The following NOLC1 variants were observed in gnomAD, a reference collection of about 807,000 sequenced individuals.
NOLC1 encodes the protein nucleolar and coiled-body phosphoprotein 1, also known as 140 kDa nucleolar phosphoprotein.
NOLC1 carries 37 observed loss-of-function variants against 73.4 expected under a neutral mutation model. That is an observed-to-expected ratio of 0.50 (90% CI 0.39 to 0.66). The LOEUF (loss-of-function observed/expected upper bound fraction) is 0.66, where lower values mean the gene tolerates loss of function less well. NOLC1 is among the 30% of genes least tolerant of loss of function. The pLI, the probability that NOLC1 is intolerant of heterozygous loss-of-function variation, is 0.00. For missense variants in NOLC1, 921 were observed against 838.9 expected, an observed-to-expected ratio of 1.10 and a Z score of -1.21; for synonymous variants, 327 against 302.6, an observed-to-expected ratio of 1.08 and a Z score of -0.84.
At chr10:102,156,429 AT>A (rs549384519) in intron 1 of NOLC1, among the ~76,000 whole-genome samples, 13,415 of 140,414 alleles carry the variant, frequency 0.096, 741 homozygotes, top group African/African-American at 0.18. Flanking sequence ...GTCAAAAGTG[AT>A]TTTTTTTTTT....
intron 1 of NOLC1, among the ~76,000 whole-genome samples, 187 bp from the exon 2 acceptor site, chr10:102,156,832 T>G (rs1352569549): frequency 6.6e-6 from 1 of 152,174 alleles, no homozygotes; most frequent in Non-Finnish European, 1.5e-5. Context: ...AGTAGCCCGT[T>G]TTTTACATCA....
chr10:102,160,930 TGAGGAA>T lies in NOLC1; in HGVS notation c.1588_1593del (p.Glu530_Glu531del). ...ACAGTTCTTCTTCTGATGACTCCAG[TGAGGAA>T]GAGGAAGAGAAGCTCAAGGGCAAGG... On this transcript the variant is annotated inframe_deletion, in exon 10 of 13. Coordinates refer to ENST00000605788, the MANE Select transcript of NOLC1 (RefSeq NM_004741.5). 1.4e-5 allele frequency: 22 copies of T among 1,613,872 alleles called. No individual in the cohort carries two copies. Among genetic ancestry groups the T allele is most frequent in the Non-Finnish European group, 1.7e-5 (20 of 1,179,986 alleles).
Position 102,157,574 on chromosome 10 carries a change from A to C in NOLC1, c.441+19A>C. 1.2e-6 allele frequency: 2 copies of C among 1,611,002 alleles called. No individual in the cohort carries two copies. The highest frequency in any genetic ancestry group is 1.7e-6 in the Non-Finnish European group (2 of 1,178,726). On this transcript the variant is annotated intron_variant, in intron 4 of 12. Transcript: ENST00000605788. ...TGTCCAGGTTTGCAGCTTTGGGAAGAAAAAGGGGTTTAAGGATTAGAAAGG... is the reference window on the plus strand; with the variant it reads ...TGTCCAGGTTTGCAGCTTTGGGAAGCAAAAGGGGTTTAAGGATTAGAAAGG...
chr10:102,162,249 A>G lies in NOLC1; in HGVS notation c.2080A>G (p.Ile694Val), dbSNP rs761337419. 40 of 1,613,958 alleles carry G rather than the reference A, an allele frequency of 2.5e-5. No homozygotes were observed. The highest frequency in any genetic ancestry group is 6.7e-5 in the East Asian group (3 of 44,880). Reference protein sequence around the residue: ...GGSISVQVNSIKFDSE With the variant: ...GGSISVQVNSVKFDSE ...CTCAATCTCTGTCCAGGTCAATTCTATTAAGTTTGACAGCGAGTGACCTGA... is the reference window on the plus strand; with the variant it reads ...CTCAATCTCTGTCCAGGTCAATTCTGTTAAGTTTGACAGCGAGTGACCTGA... Residue 694 changes from isoleucine (I) to valine (V), a missense_variant, in exon 13 of 13, where the codon ATT (isoleucine) becomes GTT (valine). Transcript: ENST00000605788.
intron 1 of NOLC1, among the ~76,000 whole-genome samples, chr10:102,154,069 ATTTTTTTT>A (rs58538934): frequency 8.6e-6 from 1 of 116,412 alleles, no homozygotes; most frequent in East Asian, 2.8e-4. Flanking sequence ...CATGCATTTA[ATTTTTTTT>A]TTTTTTTTTT....
At position 102,157,482 on chromosome 10, in the gene NOLC1, C is replaced by T. The variant is rs2069619371; in HGVS notation, c.368C>T (p.Ala123Val). 6.2e-7 allele frequency: 1 copy of T among 1,614,026 alleles called. No individual in the cohort carries two copies. Among genetic ancestry groups the T allele is most frequent in the African/African-American group, 1.3e-5 (1 of 74,902 alleles). ...CCTCCTGGGAAGGCTGCAGCCAAAG[C>T]ATCAGAGAGTAGCAGCAGTGAAGAG... ...GLPPGKAAAK[A>V]SESSSSEESS... The change falls in exon 4 of 13, where the codon GCA becomes GTA. Residue 123 changes from alanine to valine, a missense_variant. Transcript: ENST00000605788.
intron 1 of NOLC1, among the ~76,000 whole-genome samples, chr10:102,155,022 A>ATTTTTTTTTT (rs34034390): frequency 5.9e-4 from 78 of 131,216 alleles, no homozygotes; most frequent in African/African-American, 2.2e-3. Context: ...CACCTGGCTA[A>ATTTTTTTTTT]TTTTTTTTTT....
In NOLC1 at chr10:102,158,114, T is replaced by G; in HGVS notation, c.507T>G (p.Ser169=). ...APPKKAKSSD[S]DSDSSSEDEP... ...CTAAGAAGGCCAAGAGCTCTGATTC[T>G]GATTCTGACTCAAGCTCCGAGGATG... The change falls in exon 5 of 13, where the codon TCT becomes TCG. Residue 169 remains serine (S), a synonymous_variant. Transcript: ENST00000605788. The G allele has an allele frequency of 6.2e-7, 1 of 1,614,172 alleles. No homozygotes were observed.
intron 1 of NOLC1, 114 bp from the exon 2 acceptor site, chr10:102,156,904 TA>T: frequency 1.0e-6 from 1 of 992,002 alleles, no homozygotes; most frequent in Non-Finnish European, 1.6e-6. Context: ...GCAAAAGTTT[TA>T]TGAAGATGTA....
Position 102,162,796 on chromosome 10 carries a change from A to G in NOLC1, c.*527A>G, listed in dbSNP as rs1426285831. The G allele has an allele frequency of 1.3e-5, 2 of 152,570 alleles. No individual in the cohort carries two copies. The highest frequency in any genetic ancestry group is 4.8e-5 in the African/African-American group (2 of 41,448). The allele number at this position is 152,570 out of a possible 1,614,324, so 9.5% of individuals were successfully genotyped here. A position where few individuals can be genotyped will look rare whatever the true frequency, so the allele number is the denominator to read the frequency against. On this transcript the variant is annotated 3_prime_UTR_variant, in exon 13 of 13. Transcript: ENST00000605788. ...TTAAAGAATTGTTGATGTATATGCA[A>G]TGTCTGTTAAGCATGCACTATGTAT...
At position 102,160,975 on chromosome 10, in the gene NOLC1, A is replaced by T; in HGVS notation, c.1623A>T (p.Pro541=). 6.2e-7 allele frequency: 1 copy of T among 1,614,180 alleles called. No homozygotes were observed. The highest frequency in any genetic ancestry group is 8.5e-7 in the Non-Finnish European group (1 of 1,180,018). The change falls in exon 10 of 13, where the codon CCA becomes CCT. Residue 541 remains proline, a synonymous_variant. Transcript: ENST00000605788. ...EKLKGKGSPR[P]QAPKANGTSA... The stretch of plus-strand genomic sequence containing the variant: ...TCAAGGGCAAGGGCTCTCCAAGACC[A>T]CAAGCCCCCAAGGCCAATGGCACCT...
In NOLC1 at chr10:102,161,880, A is replaced by T. The variant is rs2069715687; in HGVS notation, c.1896A>T (p.Glu632Asp). ...CATTCCGAAGGGTCAGGGAGGAGGA[A>T]ATTGAGGTGGATTCACGAGTTGCGG... Reference protein sequence around the residue: ...SSPFRRVREEEIEVDSRVADN... With the variant: ...SSPFRRVREEDIEVDSRVADN... The change falls in exon 12 of 13, where the codon GAA (glutamate) becomes GAT (aspartate). Residue 632 changes from glutamate (E) to aspartate (D), a missense_variant. Glu to Asp is a conservative substitution (Grantham distance 45). Transcript: ENST00000605788. The T allele has an allele frequency of 1.9e-6, 3 of 1,614,074 alleles. No homozygotes were observed. The East Asian group carries it at 6.7e-5, about 36-fold the overall frequency.
Position 102,157,451 on chromosome 10 carries a change from G to A in NOLC1, c.337G>A (p.Gly113Ser), listed in dbSNP as rs373288971. The change falls in exon 4 of 13, where the codon GGT (glycine) becomes AGT (serine). Residue 113 changes from glycine (G) to serine (S), a missense_variant. Transcript: ENST00000605788. ...KKAAVPAKRV[G>S]LPPGKAAAKA... ...TTCAGCTGTACCTGCCAAGCGAGTC[G>A]GTCTGCCTCCTGGGAAGGCTGCAGC... 12 of 1,613,996 alleles carry A rather than the reference G, an allele frequency of 7.4e-6. No individual in the cohort carries two copies. The highest frequency in any genetic ancestry group is 6.7e-5 in the African/African-American group (5 of 74,894).
At position 102,161,547 on chromosome 10, in the gene NOLC1, G is replaced by C; in HGVS notation, c.1742-9G>C. 1 of 1,610,652 alleles carries C rather than the reference G, an allele frequency of 6.2e-7. No individual in the cohort carries two copies. The highest frequency in any genetic ancestry group is 8.5e-7 in the Non-Finnish European group (1 of 1,177,364). On this transcript the variant is annotated splice_polypyrimidine_tract_variant and intron_variant, in intron 10 of 12. Transcript: ENST00000605788. ...GTACTCGGCCTGAGTCTGGCTTTTT[G>C]TTTTGTAGGTTCATTAAAGAAGCGG...
chr10:102,161,358 G>A (rs2069706713), intron 10 of NOLC1, among the ~76,000 whole-genome samples, 198 bp from the exon 11 acceptor site: 1 of 151,962 alleles, frequency 6.6e-6, no homozygotes, highest in Non-Finnish European at 1.5e-5. Context: ...AGCCTCCTGA[G>A]TAGCCGGGAC....
rs374844570 is a variant in NOLC1 at position 102,160,204 on chromosome 10, C to G, written c.989-29C>G. On this transcript the variant is annotated intron_variant, in intron 8 of 12. Coordinates refer to ENST00000605788, the MANE Select transcript of NOLC1 (RefSeq NM_004741.5). The stretch of plus-strand genomic sequence containing the variant: ...GTCCTGGTTGGGTTGGGACTCTGGA[C>G]CCAGCATAATGCTACAGGTTCTCCT... 24 of 1,605,112 alleles carry G rather than the reference C, an allele frequency of 1.5e-5. No homozygotes were observed. The East Asian group carries it at 3.1e-4, about 21-fold the overall frequency.
chr10:102,157,573 G>T lies in NOLC1; in HGVS notation c.441+18G>T, dbSNP rs775995566. ...CTGTCCAGGTTTGCAGCTTTGGGAA[G>T]AAAAAGGGGTTTAAGGATTAGAAAG... On this transcript the variant is annotated intron_variant, in intron 4 of 12. Transcript: ENST00000605788. 1 of 1,605,906 alleles carries T rather than the reference G, an allele frequency of 6.2e-7. No individual in the cohort carries two copies. Among genetic ancestry groups the T allele is most frequent in the Non-Finnish European group, 8.5e-7 (1 of 1,177,514 alleles).
chr10:102,162,017 G>C, intron 12 of NOLC1, 92 bp downstream of exon 12: 4 of 1,602,586 alleles, frequency 2.5e-6, no homozygotes, highest in Non-Finnish European at 2.6e-6. Context: ...ATCTTCTCTG[G>C]GTTCAGGTTT....
In NOLC1 at chr10:102,159,917, C is replaced by T. The variant is rs143932284; in HGVS notation, c.881C>T (p.Pro294Leu). The T allele has an allele frequency of 6.4e-5, 102 of 1,602,356 alleles. No homozygotes were observed. In the Admixed American group the frequency reaches 8.2e-4, roughly 13 times the overall value. ...ACAGGTCCCTACAGTTCAGTCCCCC[C>T]GCCTTCTGCTCCCCCACCAAAGAAG... Reference protein sequence around the residue: ...NKPGPYSSVPPPSAPPPKKSL... With the variant: ...NKPGPYSSVPLPSAPPPKKSL... The change falls in exon 8 of 13, where the codon CCG becomes CTG. Residue 294 changes from proline to leucine, a missense_variant. Coordinates refer to ENST00000605788, the MANE Select transcript of NOLC1 (RefSeq NM_004741.5).
Sources: allele counts gnomAD v4.1 joint callset (sites outside exome capture counted in the v4.1 genomes callset), GRCh38; gene constraint gnomAD v4.1.1; transcripts MANE v1.5; gene names NCBI Gene and HGNC (gene_info 2026-07-23, HGNC 2026-07-21).